The following AFTPH variants were observed in gnomAD, a reference collection of about 807,000 sequenced individuals.
AFTPH encodes the protein aftiphilin protein.
AFTPH carries 7 observed loss-of-function variants against 72.5 expected under a neutral mutation model. The observed-to-expected ratio is 0.10, with a 90% CI of 0.05 to 0.18. The LOEUF (loss-of-function observed/expected upper bound fraction) is 0.18. Among genes scored for constraint, AFTPH ranks in the 10% least tolerant of loss-of-function variants. The probability of loss-of-function intolerance (pLI) is 1.00; values close to 1 mark genes in which losing one functional copy is unlikely to be tolerated. For missense variants in AFTPH, 979 were observed against 1,060.5 expected (o/e 0.92, Z 1.07); for synonymous variants, 337 against 370.1 (o/e 0.91, Z 1.03).
chr2:64,557,389 T>C (rs1431985020), intron 2 of AFTPH, among the ~76,000 whole-genome samples: 1 of 152,224 alleles, frequency 6.6e-6, no homozygotes, highest in African/African-American at 2.4e-5. Context: ...TGCTGTTAGC[T>C]GAAGATTTGT....
intron 1 of AFTPH, among the ~76,000 whole-genome samples, chr2:64,536,688 CA>C (rs1406187092): frequency 6.6e-6 from 1 of 151,198 alleles, no homozygotes; most frequent in African/African-American, 2.4e-5. Flanking sequence ...CGTGGTGACT[CA>C]AACCTGTAAT....
At chr2:64,533,607 G>A (rs1362915) in intron 1 of AFTPH, among the ~76,000 whole-genome samples, 61,008 of 151,682 alleles carry the variant, frequency 0.4, 12,387 homozygotes, top group African/African-American at 0.47. Context: ...TTAGATTCCT[G>A]CCTATCACCA....
chr2:64,560,098 A>T (rs1475478215), intron 2 of AFTPH, among the ~76,000 whole-genome samples: 1 of 152,194 alleles, frequency 6.6e-6, no homozygotes, highest in Non-Finnish European at 1.5e-5. Flanking sequence ...CCTTACATCC[A>T]TATATAGCTT....
At chr2:64,574,797 C>T (rs560796918) in intron 6 of AFTPH, among the ~76,000 whole-genome samples, 1 of 152,302 alleles carries the variant, frequency 6.6e-6, no homozygotes, top group South Asian at 2.1e-4. Flanking sequence ...TTCTTAGTTA[C>T]CTTAATTTTG....
At chr2:64,581,686 G>A (rs1316963896) in intron 7 of AFTPH, among the ~76,000 whole-genome samples, 1 of 152,112 alleles carries the variant, frequency 6.6e-6, no homozygotes, top group African/African-American at 2.4e-5. Context: ...ACATTGTAGT[G>A]CCTGTAATAA....
At chr2:64,524,763 T>G (rs1669144892) in intron 1 of AFTPH, among the ~76,000 whole-genome samples, 151 bp downstream of exon 1, 2 of 152,192 alleles carry the variant, frequency 1.3e-5, no homozygotes, top group African/African-American at 4.8e-5. Flanking sequence ...TCTGCGGGCC[T>G]GCGGGCTCCC....
chr2:64,582,467 C>G (rs1465586316), intron 7 of AFTPH, among the ~76,000 whole-genome samples: 1 of 152,144 alleles, frequency 6.6e-6, no homozygotes, highest in South Asian at 2.1e-4. Context: ...GTTATTCTTA[C>G]TGTTTTCAAG....
rs769960349 is a variant in AFTPH at position 64,591,937 on chromosome 2, G to A, written c.2632G>A (p.Ala878Thr). The stretch of plus-strand genomic sequence containing the variant: ...AAGTGAAGAAGCTATCAAGGTGATC[G>A]CTGGCCTTCCTGACTTAACATTCAT... Residue 878 changes from alanine to threonine, a missense_variant, in exon 9 of 9, where the codon GCT (alanine) becomes ACT (threonine). Ala to Thr is a moderately conservative substitution (Grantham distance 58). This residue lies in a region of AFTPH where 438 missense variants were observed against 530.0 expected (regional missense o/e 0.83). Coordinates refer to ENST00000238856, the Ensembl canonical transcript of AFTPH. The A allele has an allele frequency of 8.7e-6, 14 of 1,613,728 alleles. No individual in the cohort carries two copies. Among genetic ancestry groups the A allele is most frequent in the South Asian group, 5.5e-5 (5 of 91,072 alleles).
intron 2 of AFTPH, among the ~76,000 whole-genome samples, chr2:64,562,445 C>A (rs1181658325): frequency 6.6e-6 from 1 of 151,708 alleles, no homozygotes; most frequent in Non-Finnish European, 1.5e-5. Flanking sequence ...AAAGCTCTTG[C>A]AATTTTTAGA....
intron 1 of AFTPH, among the ~76,000 whole-genome samples, chr2:64,526,024 C>T (rs576098552): frequency 1.2e-4 from 18 of 152,240 alleles, no homozygotes; most frequent in African/African-American, 3.4e-4. Flanking sequence ...TTTAAATCTT[C>T]AAAAACCTCT....
At chr2:64,563,583 A>C (rs1481981460) in intron 2 of AFTPH, among the ~76,000 whole-genome samples, 1 of 152,150 alleles carries the variant, frequency 6.6e-6, no homozygotes. Flanking sequence ...TAACTGTTCT[A>C]CTTACCAAGT....
Position 64,557,333 on chromosome 2 carries a change from G to A in AFTPH, c.1935+3924G>A, listed in dbSNP as rs866421737. Among the ~76,000 whole-genome samples the A allele has an allele frequency of 2.0e-4, 30 of 152,290 alleles. No homozygotes were observed. In the East Asian group the frequency reaches 3.5e-3, roughly 18 times the overall value. On this transcript the variant is annotated intron_variant, in intron 2 of 8. Coordinates refer to ENST00000238856, the Ensembl canonical transcript of AFTPH. ...AATTGGGTATAGAAAAGGAGGCTAT[G>A]AGTTATTTTTTATTAGACATCCAAT...
chr2:64,561,757 T>G (rs975248264), intron 2 of AFTPH, among the ~76,000 whole-genome samples: 2 of 152,242 alleles, frequency 1.3e-5, no homozygotes, highest in African/African-American at 4.8e-5. Flanking sequence ...CAGCTAAATA[T>G]TTAGTATGCT....
At chr2:64,533,420 A>G (rs1669733890) in intron 1 of AFTPH, among the ~76,000 whole-genome samples, 3 of 152,256 alleles carry the variant, frequency 2.0e-5, no homozygotes, top group African/African-American at 7.2e-5. Flanking sequence ...CAAACAAACA[A>G]ACAAAAATCT....
intron 6 of AFTPH, among the ~76,000 whole-genome samples, chr2:64,577,481 A>C (rs531599423): frequency 6.6e-6 from 1 of 152,260 alleles, no homozygotes; most frequent in East Asian, 1.9e-4. Flanking sequence ...ATTTCTAAGC[A>C]CCCAGCTACT....
At chr2:64,530,482 A>G (rs1362037470) in intron 1 of AFTPH, among the ~76,000 whole-genome samples, 5 of 152,220 alleles carry the variant, frequency 3.3e-5, no homozygotes, top group Non-Finnish European at 7.3e-5. Flanking sequence ...GTGGAAAAAA[A>G]GTAGAAAGAA....
intron 1 of AFTPH, among the ~76,000 whole-genome samples, chr2:64,547,922 C>G (rs745350390): frequency 1.4e-4 from 22 of 151,986 alleles, no homozygotes; most frequent in Non-Finnish European, 2.4e-4. Context: ...AGTAGCTGGA[C>G]TACAGGTGCA....
chr2:64,557,217 G>A (rs1671431373), intron 2 of AFTPH, among the ~76,000 whole-genome samples: 1 of 152,038 alleles, frequency 6.6e-6, no homozygotes, highest in African/African-American at 2.4e-5. Flanking sequence ...CATAAGCACT[G>A]CATTTACCCC....
intron 2 of AFTPH, among the ~76,000 whole-genome samples, chr2:64,566,963 T>C (rs1672123918): frequency 1.3e-5 from 2 of 152,200 alleles, no homozygotes; most frequent in African/African-American, 4.8e-5. Context: ...AGCTTTCGAA[T>C]TTTTTATCAG....
Sources: gnomAD v4.1 joint callset for allele counts (sites outside exome capture counted in the v4.1 genomes callset) on GRCh38, gnomAD v4.1.1 for gene constraint, gnomAD v4.1.1 regional missense constraint, MANE v1.5 for transcripts, NCBI Gene and HGNC (gene_info 2026-07-23, HGNC 2026-07-21) for gene names.